DPY19L2: variants seen among roughly 807,000 people sequenced by gnomAD.
DPY19L2 encodes the protein dpy-19 like 2, also known as probable C-mannosyltransferase DPY19L2.
In DPY19L2, 34 loss-of-function variants were observed where a neutral mutation model predicts 97.9. The ratio of observed to expected loss-of-function variants is 0.35; its 90% CI spans 0.26 to 0.46. The LOEUF (loss-of-function observed/expected upper bound fraction) is 0.46, where lower values mean the gene tolerates loss of function less well. Among genes scored for constraint, DPY19L2 ranks in the 20% least tolerant of loss-of-function variants. The probability of loss-of-function intolerance (pLI) is 1.00; values close to 1 mark genes in which losing one functional copy is unlikely to be tolerated. For synonymous variants in DPY19L2, 230 were observed against 307.9 expected (o/e 0.75, Z 2.65); for missense variants, 623 against 911.4 (o/e 0.68, Z 4.07).
intron 6 of DPY19L2, among the ~76,000 whole-genome samples, chr12:63,633,090 T>C (rs1891007852): frequency 6.6e-6 from 1 of 152,140 alleles, no homozygotes; most frequent in Admixed American, 6.5e-5. Flanking sequence ...ACTTAAACGT[T>C]AGACCTAAAA....
intron 3 of DPY19L2, among the ~76,000 whole-genome samples, chr12:63,663,222 T>C (rs1895912556): frequency 6.6e-6 from 1 of 152,282 alleles, no homozygotes; most frequent in South Asian, 2.1e-4. Flanking sequence ...TTGCGCAATT[T>C]TGGCATTTGC....
At chr12:63,629,653 T>C (rs978094965) in intron 6 of DPY19L2, among the ~76,000 whole-genome samples, 3 of 152,136 alleles carry the variant, frequency 2.0e-5, no homozygotes, top group Non-Finnish European at 4.4e-5. Context: ...CAGGATATTA[T>C]CCAGGAGAAC....
chr12:63,591,553 T>C (rs1180516007), intron 16 of DPY19L2, among the ~76,000 whole-genome samples: 1 of 152,128 alleles, frequency 6.6e-6, no homozygotes, highest in Non-Finnish European at 1.5e-5. Context: ...TTGAGTTTTG[T>C]AGCAATTTAC....
intron 9 of DPY19L2, among the ~76,000 whole-genome samples, chr12:63,618,780 G>A (rs892828963): frequency 2.4e-4 from 37 of 152,100 alleles, no homozygotes; most frequent in Non-Finnish European, 4.3e-4. Flanking sequence ...CTTTTTACTC[G>A]CCTCTCCAAT....
At chr12:63,586,355 G>A (rs1881799477) in intron 16 of DPY19L2, among the ~76,000 whole-genome samples, 1 of 152,162 alleles carries the variant, frequency 6.6e-6, no homozygotes, top group Admixed American at 6.5e-5. Flanking sequence ...AAAATTTGAA[G>A]TCAAGTCCAA....
intron 11 of DPY19L2, among the ~76,000 whole-genome samples, chr12:63,614,591 C>T (rs1445691534): frequency 2.0e-5 from 3 of 152,088 alleles, no homozygotes; most frequent in Non-Finnish European, 2.9e-5. Context: ...TTCTCATGCA[C>T]ACACTTTGGG....
intron 19 of DPY19L2, among the ~76,000 whole-genome samples, chr12:63,575,432 CA>C (rs760560324): frequency 1.3e-5 from 2 of 151,302 alleles, no homozygotes; most frequent in Non-Finnish European, 3.0e-5. Context: ...AAACAAAACC[CA>C]AAGTTAGTAA....
rs1236916401 is a variant in DPY19L2, at chr12:63,617,475, T to C, written c.1132-85A>G. ...TTTGTAGGTATATAGCCATTTCTAA[T>C]GCAAATTTATTTGCATAAAGATGAA... On this transcript the variant is annotated intron_variant, in intron 10 of 21. Coordinates refer to ENST00000324472, the MANE Select transcript of DPY19L2 (RefSeq NM_173812.5). 22 of 826,636 alleles carry C rather than the reference T, an allele frequency of 2.7e-5. No homozygotes were observed. The East Asian group carries it at 6.0e-4, about 23-fold the overall frequency. The allele number at this position is 826,636 out of a possible 1,614,324, so 51.2% of individuals were successfully genotyped here.
At chr12:63,658,553 TTTTA>T (rs564807613) in intron 4 of DPY19L2, among the ~76,000 whole-genome samples, 19 of 152,214 alleles carry the variant, frequency 1.2e-4, no homozygotes, top group Admixed American at 7.2e-4. Flanking sequence ...TGTCTTTTGA[TTTTA>T]TTTCTTTTCT....
intron 6 of DPY19L2, among the ~76,000 whole-genome samples, chr12:63,632,104 T>C (rs183980539): frequency 6.7e-4 from 102 of 152,194 alleles, no homozygotes; most frequent in African/African-American, 2.3e-3. Context: ...CCACAGCCAA[T>C]ATCATACTGA....
At chr12:63,607,083 T>C (rs1050568539) in intron 12 of DPY19L2, among the ~76,000 whole-genome samples, 1 of 152,146 alleles carries the variant, frequency 6.6e-6, no homozygotes, top group Non-Finnish European at 1.5e-5. Context: ...AAATCTCAAC[T>C]TTTCCTTCCT....
chr12:63,654,381 A>G (rs1401418947), intron 4 of DPY19L2, among the ~76,000 whole-genome samples: 1 of 152,158 alleles, frequency 6.6e-6, no homozygotes, highest in African/African-American at 2.4e-5. Flanking sequence ...ATGTTCAAAT[A>G]AAATGTTCTG....
At chr12:63,596,320 A>T (rs1444225704) in intron 14 of DPY19L2, among the ~76,000 whole-genome samples, 2 of 152,088 alleles carry the variant, frequency 1.3e-5, no homozygotes, top group Non-Finnish European at 2.9e-5. Context: ...TTTTATTTAC[A>T]TAATACTAAG....
chr12:63,582,321 T>C (rs1481148966), intron 18 of DPY19L2, 85 bp downstream of exon 18: 4 of 1,405,798 alleles, frequency 2.8e-6, no homozygotes, highest in African/African-American at 1.4e-5. Context: ...GTTTATATTT[T>C]GAATTAGTCA....
At chr12:63,653,521 C>T (rs1405301388) in intron 4 of DPY19L2, among the ~76,000 whole-genome samples, 5 of 151,990 alleles carry the variant, frequency 3.3e-5, no homozygotes, top group African/African-American at 1.2e-4. Flanking sequence ...GCACTCCAGC[C>T]TGGGCGACAG....
chr12:63,596,739 C>G (rs1285278330), intron 14 of DPY19L2, among the ~76,000 whole-genome samples: 1 of 152,108 alleles, frequency 6.6e-6, no homozygotes, highest in Non-Finnish European at 1.5e-5. Context: ...AAGGAATAAT[C>G]AATCCAGTAG....
intron 11 of DPY19L2, among the ~76,000 whole-genome samples, chr12:63,610,014 C>T (rs1886677728): frequency 6.6e-6 from 1 of 150,544 alleles, no homozygotes; most frequent in Non-Finnish European, 1.5e-5. Context: ...TACAGTAAAT[C>T]CACAGTAGAA....
chr12:63,634,642 C>T (rs1270515988), intron 6 of DPY19L2, among the ~76,000 whole-genome samples: 3 of 151,896 alleles, frequency 2.0e-5, no homozygotes, highest in Non-Finnish European at 4.4e-5. Context: ...ACATCCCGCA[C>T]ATGGCTCAGA....
rs1885375052 is a variant in DPY19L2 at position 63,602,642 on chromosome 12, G to C, written c.1279-2256C>G. On this transcript the variant is annotated intron_variant, in intron 12 of 21. Coordinates refer to ENST00000324472, the MANE Select transcript of DPY19L2 (RefSeq NM_173812.5). ...ATGAAAAATGAAGAAAAATTCCTCA[G>C]AACCTCCAGGCACAAAAGTCACATA... 2.6e-5 allele frequency among the ~76,000 whole-genome samples: 4 copies of C among 152,152 alleles called. No individual in the cohort carries two copies. The Middle Eastern group carries it at 0.014, about 518-fold the overall frequency.
Sources: allele counts gnomAD v4.1 joint callset (sites outside exome capture counted in the v4.1 genomes callset), GRCh38; gene constraint gnomAD v4.1.1; transcripts MANE v1.5; gene names NCBI Gene and HGNC (gene_info 2026-07-23, HGNC 2026-07-21).